ADAM23: variants seen among roughly 807,000 people sequenced by gnomAD.
ADAM23 encodes disintegrin and metalloproteinase domain-containing protein 23.
ADAM23 carries 33 observed loss-of-function variants against 120.1 expected under a neutral mutation model. The ratio of observed to expected loss-of-function variants is 0.27; its 90% CI spans 0.21 to 0.37. ADAM23 has a LOEUF of 0.37. ADAM23 is among the 10% of genes least tolerant of loss of function. ADAM23 has a pLI of 1.00. For missense variants in ADAM23, 862 were observed against 1,058.2 expected (o/e 0.81, Z 2.57); for synonymous variants, 367 against 375.2 (o/e 0.98, Z 0.25).
chr2:206,571,648 A>G (rs1016008235), intron 16 of ADAM23, 79 bp from the exon 17 acceptor site: 2 of 959,994 alleles, frequency 2.1e-6, no homozygotes, highest in Non-Finnish European at 3.4e-6. Context: ...CATTTGGAAT[A>G]TGCATGCCAC....
At chr2:206,543,109 T>A (rs561572025) in intron 5 of ADAM23, 144 bp from the exon 6 acceptor site, 436 of 686,542 alleles carry the variant, frequency 6.4e-4, no homozygotes, top group Non-Finnish European at 8.9e-4. Flanking sequence ...CATGCAGATA[T>A]GTGAATTAAA....
intron 2 of ADAM23, among the ~76,000 whole-genome samples, chr2:206,452,665 A>T (rs1669358970): frequency 6.6e-6 from 1 of 152,162 alleles, no homozygotes; most frequent in Non-Finnish European, 1.5e-5. Context: ...AAAATTAAAA[A>T]GAAAAAATAA....
intron 3 of ADAM23, among the ~76,000 whole-genome samples, chr2:206,491,552 A>AT (rs1696135689): frequency 6.6e-6 from 1 of 152,142 alleles, no homozygotes; most frequent in South Asian, 2.1e-4. Flanking sequence ...AACTTGACTC[A>AT]TTTTTTCAGA....
At chr2:206,465,103 T>C (rs1416064685) in intron 2 of ADAM23, among the ~76,000 whole-genome samples, 2 of 152,146 alleles carry the variant, frequency 1.3e-5, no homozygotes, top group Admixed American at 6.5e-5. Flanking sequence ...TGGAGTGCAG[T>C]GGTGTGATCG....
chr2:206,512,610 T>C (rs1482991660), intron 3 of ADAM23, among the ~76,000 whole-genome samples: 1 of 152,196 alleles, frequency 6.6e-6, no homozygotes, highest in Non-Finnish European at 1.5e-5. Flanking sequence ...AGTCTAACAA[T>C]GTAACGTATT....
chr2:206,531,886 A>G (rs989423688), intron 4 of ADAM23, among the ~76,000 whole-genome samples: 1 of 152,226 alleles, frequency 6.6e-6, no homozygotes, highest in African/African-American at 2.4e-5. Flanking sequence ...ATGGCTTCTC[A>G]GCAAATGTTT....
chr2:206,531,976 A>T (rs574996714), intron 4 of ADAM23, among the ~76,000 whole-genome samples: 1 of 152,266 alleles, frequency 6.6e-6, no homozygotes, highest in South Asian at 2.1e-4. Context: ...TTGTAATTGG[A>T]CGTGTTTTCC....
intron 2 of ADAM23, 26 bp from the exon 3 acceptor site, chr2:206,481,206 G>T (rs779371187): frequency 6.3e-7 from 1 of 1,577,090 alleles, no homozygotes; most frequent in Non-Finnish European, 8.6e-7. Flanking sequence ...GTAAGTTAAG[G>T]TTCTTCTGTC....
At chr2:206,542,376 G>A (rs1459073756) in intron 5 of ADAM23, among the ~76,000 whole-genome samples, 3 of 152,166 alleles carry the variant, frequency 2.0e-5, no homozygotes, top group African/African-American at 7.2e-5. Context: ...GCTGTAAAGG[G>A]GAAGGACAGA....
intron 24 of ADAM23, chr2:206,606,473 A>G (rs1698730625): frequency 1.3e-5 from 2 of 152,266 alleles, no homozygotes; most frequent in African/African-American, 2.4e-5. Context: ...TGAAGTCTAC[A>G]TAAATATTTG....
rs749004991 is a variant in ADAM23, at chr2:206,550,097, A to C, written c.870A>C (p.Pro290=). 5 of 1,562,958 alleles carry C rather than the reference A, an allele frequency of 3.2e-6. No individual in the cohort carries two copies. The highest frequency in any genetic ancestry group is 4.4e-6 in the Non-Finnish European group (5 of 1,138,346). ...WLKRRKRAVN[P]SRGIFEEMKY... ...CCATATATTTTTATTTTCCGTAGCC[A>C]TCACGTGGTATATTTGAAGAAATGA... The change falls in exon 9 of 26, where the codon CCA becomes CCC. Residue 290 remains proline (P), a splice_region_variant and synonymous_variant. Transcript: ENST00000264377.
chr2:206,482,778 T>G (rs887770207), intron 3 of ADAM23, among the ~76,000 whole-genome samples: 28 of 152,162 alleles, frequency 1.8e-4, no homozygotes, highest in African/African-American at 6.0e-4. Flanking sequence ...TGGAATGTTA[T>G]GGTAGCACCA....
rs141683172 is a variant in ADAM23, at chr2:206,481,273, C to T, written c.474C>T (p.Phe158=). ...AGGCAAGCTTCCAGATTGAAGCCTTCGGCTCCAAATTCATTCTTGACCTCA... is the reference window on the plus strand; with the variant it reads ...AGGCAAGCTTCCAGATTGAAGCCTTTGGCTCCAAATTCATTCTTGACCTCA... ...LAQASFQIEA[F]GSKFILDLIL... Residue 158 remains phenylalanine, a synonymous_variant, in exon 3 of 26, where the codon TTC becomes TTT. Coordinates refer to ENST00000264377, the MANE Select transcript of ADAM23 (RefSeq NM_003812.4). The T allele has an allele frequency of 8.4e-5, 135 of 1,609,286 alleles. No individual in the cohort carries two copies. The highest frequency in any genetic ancestry group is 7.3e-4 in the Admixed American group (43 of 59,032).
chr2:206,544,652 G>A (rs541649802), intron 6 of ADAM23, among the ~76,000 whole-genome samples: 27 of 144,746 alleles, frequency 1.9e-4, no homozygotes, highest in South Asian at 6.5e-4. Flanking sequence ...TCGCTCTTTC[G>A]CCTAGGCTGG....
chr2:206,587,810 G>GGT (rs1345817767), intron 19 of ADAM23, among the ~76,000 whole-genome samples: 1 of 152,038 alleles, frequency 6.6e-6, no homozygotes, highest in Non-Finnish European at 1.5e-5. Context: ...AAATCATTTT[G>GGT]GTGTCTCTCA....
chr2:206,544,277 A>G (rs918334136), intron 6 of ADAM23, among the ~76,000 whole-genome samples: 1 of 152,192 alleles, frequency 6.6e-6, no homozygotes, highest in African/African-American at 2.4e-5. Flanking sequence ...TTCTTTACAG[A>G]TAGGGAAGAA....
At chr2:206,512,182 C>T (rs971306927) in intron 3 of ADAM23, among the ~76,000 whole-genome samples, 7 of 152,178 alleles carry the variant, frequency 4.6e-5, no homozygotes, top group African/African-American at 1.4e-4. Flanking sequence ...ATGCTTATTT[C>T]ATGAGATTAT....
intron 3 of ADAM23, among the ~76,000 whole-genome samples, chr2:206,521,124 G>A (rs903114071): frequency 6.6e-6 from 1 of 152,080 alleles, no homozygotes; most frequent in Admixed American, 6.6e-5. Flanking sequence ...TCTCCTTGAG[G>A]GCTGCTTGAT....
At chr2:206,458,860 T>C (rs982961193) in intron 2 of ADAM23, among the ~76,000 whole-genome samples, 21 of 152,108 alleles carry the variant, frequency 1.4e-4, no homozygotes, top group Admixed American at 1.4e-3. Flanking sequence ...TGGAATGAAA[T>C]GGAACAATTA....
Sources: gnomAD v4.1 joint callset for allele counts (sites outside exome capture counted in the v4.1 genomes callset) on GRCh38, gnomAD v4.1.1 for gene constraint, MANE v1.5 for transcripts, NCBI Gene and HGNC (gene_info 2026-07-23, HGNC 2026-07-21) for gene names.